Variants in RGS6 observed in about 807,000 individuals in gnomAD.
The protein encoded by RGS6 is regulator of G protein signaling 6.
RGS6 carries 30 observed loss-of-function variants against 78.5 expected under a neutral mutation model. That is an observed-to-expected ratio of 0.38 (90% confidence interval 0.29 to 0.52). The LOEUF (loss-of-function observed/expected upper bound fraction) is 0.52, where lower values mean the gene tolerates loss of function less well. Ranked by LOEUF, RGS6 falls within the 20% of genes least tolerant of loss-of-function variation. RGS6 has a pLI of 0.85. For synonymous variants in RGS6, 206 were observed against 206.0 expected, an observed-to-expected ratio of 1.00 and a Z score of 0.00; for missense variants, 495 against 609.7, an observed-to-expected ratio of 0.81 and a Z score of 1.98.
At chr14:72,019,131 C>G (rs960377910) in intron 2 of RGS6, among the ~76,000 whole-genome samples, 4 of 152,162 alleles carry the variant, frequency 2.6e-5, no homozygotes, top group African/African-American at 9.7e-5. Flanking sequence ...TATAGAAACT[C>G]TGTAACTCTT....
chr14:72,520,345 C>G (rs2097019153), intron 15 of RGS6, among the ~76,000 whole-genome samples: 1 of 152,180 alleles, frequency 6.6e-6, no homozygotes, highest in South Asian at 2.1e-4. Context: ...TCTCTCTTTC[C>G]TATAAATTCG....
chr14:71,890,052 C>A, the RGS6 span, among the ~76,000 whole-genome samples: 11 of 152,144 alleles, frequency 7.2e-5, no homozygotes, highest in East Asian at 9.7e-4. Context: ...GAGGCCCCCC[C>A]AGAAGTGGAT....
At chr14:72,218,312 GT>G (rs1220596640) in intron 2 of RGS6, among the ~76,000 whole-genome samples, 5 of 151,994 alleles carry the variant, frequency 3.3e-5, no homozygotes, top group Admixed American at 2.6e-4. Context: ...ATTCCACTTA[GT>G]TATGTCCTAT....
chr14:72,627,715 A>T, the RGS6 span, among the ~76,000 whole-genome samples: 2 of 152,150 alleles, frequency 1.3e-5, no homozygotes, highest in Non-Finnish European at 2.9e-5. Flanking sequence ...ATTGGACCTG[A>T]GATAAATTTA....
chr14:72,525,904 G>A (rs547562200), intron 15 of RGS6, among the ~76,000 whole-genome samples: 84 of 152,306 alleles, frequency 5.5e-4, no homozygotes, highest in African/African-American at 2.0e-3. Context: ...ACAGCAGAGG[G>A]AGGGATGCAT....
intron 15 of RGS6, among the ~76,000 whole-genome samples, chr14:72,535,521 A>T (rs2097238315): frequency 6.6e-6 from 1 of 152,238 alleles, no homozygotes; most frequent in African/African-American, 2.4e-5. Context: ...TGATACTGAC[A>T]TGGCTACAAT....
chr14:72,178,043 C>G (rs992405374), intron 2 of RGS6, among the ~76,000 whole-genome samples: 43 of 152,348 alleles, frequency 2.8e-4, no homozygotes, highest in African/African-American at 8.2e-4. Flanking sequence ...TCCTCCCTGA[C>G]TCGCATTCCT....
chr14:72,312,665 C>T (rs1052621094), intron 2 of RGS6, among the ~76,000 whole-genome samples: 4 of 152,120 alleles, frequency 2.6e-5, no homozygotes, highest in South Asian at 2.1e-4. Flanking sequence ...ATTCTAAGAT[C>T]CTTAGGTAGC....
chr14:72,389,768 T>C (rs529024010), intron 3 of RGS6, among the ~76,000 whole-genome samples: 274 of 152,326 alleles, frequency 1.8e-3, no homozygotes, highest in African/African-American at 6.4e-3. Flanking sequence ...AGAAGGGGAA[T>C]CCACAACAAA....
the RGS6 span, among the ~76,000 whole-genome samples, chr14:71,876,473 C>CTTTTTTTTTTTTTTTTTTTTT: frequency 4.1e-5 from 3 of 72,470 alleles, no homozygotes; most frequent in African/African-American, 1.8e-4. Flanking sequence ...GCAACCGCTG[C>CTTTTTTTTTTTTTTTTTTTTT]TTTTTTTTTT....
the RGS6 span, among the ~76,000 whole-genome samples, chr14:72,602,618 C>A: frequency 0.017 from 2,646 of 152,266 alleles, 80 homozygotes; most frequent in African/African-American, 0.06. Flanking sequence ...ATTTGGCAAA[C>A]GGATCACCGA....
intron 1 of RGS6, among the ~76,000 whole-genome samples, chr14:71,939,176 C>T (rs953000954): frequency 3.3e-5 from 5 of 152,174 alleles, no homozygotes; most frequent in Admixed American, 2.6e-4. Context: ...CAAATAGGCC[C>T]ACTAAGTGTT....
intron 2 of RGS6, among the ~76,000 whole-genome samples, chr14:72,093,060 G>A (rs148753857): frequency 7.4e-5 from 10 of 134,326 alleles, no homozygotes; most frequent in South Asian, 4.8e-4. Flanking sequence ...GTGTGTGTGT[G>A]TATAAAGAAT....
intron 1 of RGS6, among the ~76,000 whole-genome samples, chr14:71,956,208 A>G (rs1027782386): frequency 6.6e-6 from 1 of 152,052 alleles, no homozygotes; most frequent in East Asian, 1.9e-4. Flanking sequence ...CAAAGTGTTC[A>G]TCTGTTTGGA....
rs58303649 is a variant in RGS6 at position 72,323,800 on chromosome 14, C to CAAAAAAAA, written c.85-28261_85-28254dup. Among the ~76,000 whole-genome samples, 33 of 16,820 alleles carry CAAAAAAAA rather than the reference C, an allele frequency of 2.0e-3. 4 individuals are homozygous for CAAAAAAAA. Among genetic ancestry groups the CAAAAAAAA allele is most frequent in the East Asian group, 2.8e-3 (2 of 706 alleles). 11.0% of individuals were successfully genotyped at this position (16,820 alleles called of 152,430 possible). On this transcript the variant is annotated intron_variant, in intron 2 of 17. Transcript: ENST00000553525. Reference sequence around the variant, plus strand: ...TGGGTGACAGAGTGAGACTCCATCTCAAAAAAAAAAAAAAAAAAAAAAAAA... The same window carrying CAAAAAAAA: ...TGGGTGACAGAGTGAGACTCCATCTCAAAAAAAAAAAAAAAAAAAAAAAAAAAAAAAAA...
intron 12 of RGS6, among the ~76,000 whole-genome samples, chr14:72,490,297 C>T (rs936365694): frequency 1.2e-4 from 18 of 152,214 alleles, no homozygotes; most frequent in Non-Finnish European, 2.5e-4. Flanking sequence ...TGACTTGCTC[C>T]TCCTTGCCTC....
intron 2 of RGS6, among the ~76,000 whole-genome samples, chr14:72,000,844 TG>T (rs1278898922): frequency 6.6e-6 from 1 of 152,118 alleles, no homozygotes; most frequent in African/African-American, 2.4e-5. Flanking sequence ...GTTCTTCTCT[TG>T]AGGAGTTTCA....
intron 3 of RGS6, among the ~76,000 whole-genome samples, chr14:72,376,030 TAAATG>T (rs1232103697): frequency 1.3e-5 from 2 of 151,928 alleles, no homozygotes; most frequent in East Asian, 1.9e-4. Context: ...CATAAGGAAA[TAAATG>T]AAATGACAGA....
chr14:72,060,860 A>G (rs1160639263), intron 2 of RGS6, among the ~76,000 whole-genome samples: 3 of 152,076 alleles, frequency 2.0e-5, no homozygotes, highest in African/African-American at 7.2e-5. Flanking sequence ...TTTCTCCTTC[A>G]TTTCTTCTTT....
Sources: gnomAD v4.1 joint callset for allele counts (sites outside exome capture counted in the v4.1 genomes callset) on GRCh38, gnomAD v4.1.1 for gene constraint, MANE v1.5 for transcripts, NCBI Gene and HGNC (gene_info 2026-07-23, HGNC 2026-07-21) for gene names.